The following NALF2 variants were observed in gnomAD, a reference collection of about 807,000 sequenced individuals.
NALF2 encodes the protein bB57D9.1 (TED protein).
In NALF2, 1 loss-of-function variant was observed where a neutral mutation model predicts 24.8. The ratio of observed to expected loss-of-function variants is 0.04; its 90% CI spans 0.01 to 0.19. The LOEUF (loss-of-function observed/expected upper bound fraction) is 0.19. Among genes scored for constraint, NALF2 ranks in the 10% least tolerant of loss-of-function variants. The pLI, the probability that NALF2 is intolerant of heterozygous loss-of-function variation, is 1.00. For synonymous variants in NALF2, 254 were observed against 189.8 expected (o/e 1.34, Z -2.78); for missense variants, 458 against 409.6 (o/e 1.12, Z -1.02).
intron 1 of NALF2, 68 bp downstream of exon 1, chrX:69,506,211 A>G: frequency 9.1e-7 from 1 of 1,101,840 alleles, no homozygotes; most frequent in Non-Finnish European, 1.2e-6. Context: ...TGGGACCGGG[A>G]GAAAAAAGGA....
chrX:69,507,400 C>G (rs1399132301), intron 1 of NALF2, among the ~76,000 whole-genome samples: 1 of 111,308 alleles, frequency 9.0e-6, no homozygotes, highest in Non-Finnish European at 1.9e-5. Flanking sequence ...TTCCTGCTCT[C>G]GTAACCTAGC....
intron 1 of NALF2, among the ~76,000 whole-genome samples, chrX:69,517,149 A>T (rs1930673797): frequency 9.0e-6 from 1 of 111,722 alleles, no homozygotes; most frequent in African/African-American, 3.3e-5. Flanking sequence ...TCAGTTCGAA[A>T]TCTGTCTTCT....
chrX:69,519,520 C>T (rs1930705867), intron 1 of NALF2, among the ~76,000 whole-genome samples: 1 of 112,237 alleles, frequency 8.9e-6, no homozygotes, highest in South Asian at 3.7e-4. Context: ...GCCTCCTCTT[C>T]TTCGTTTCCC....
intron 1 of NALF2, among the ~76,000 whole-genome samples, chrX:69,524,644 C>CT (rs140563275): frequency 0.34 from 37,136 of 109,373 alleles, 5,709 homozygotes; most frequent in East Asian, 0.64. Flanking sequence ...CAACCTCCCC[C>CT]GTCAACCCCT....
chrX:69,508,806 G>A (rs1458034384), intron 1 of NALF2, among the ~76,000 whole-genome samples: 1 of 111,904 alleles, frequency 8.9e-6, no homozygotes, highest in African/African-American at 3.3e-5. Context: ...TGGGATCCCT[G>A]CGAGATGACG....
Position 69,531,952 on chromosome X carries a change from C to A in NALF2, c.*1996C>A, listed in dbSNP as rs899128819. 2.7e-5 allele frequency: 3 copies of A among 112,072 alleles called. No individual in the cohort carries two copies. The highest frequency in any genetic ancestry group is 5.7e-5 in the Non-Finnish European group (3 of 53,094). The allele number at this position is 112,072 out of a possible 1,213,427, so 9.2% of individuals were successfully genotyped here. On this transcript the variant is annotated 3_prime_UTR_variant, in exon 3 of 3. Coordinates refer to ENST00000252338, the MANE Select transcript of NALF2 (RefSeq NM_015686.3). ...GACCCTAGGTACTGCCTTCTAACTC[C>A]TGCATCCTCAGAAGGGGAAAAGGGA...
In NALF2 at chrX:69,530,016, G is replaced by A. The variant is rs1204805126; in HGVS notation, c.*60G>A. On this transcript the variant is annotated 3_prime_UTR_variant, in exon 3 of 3. Coordinates refer to ENST00000252338, the MANE Select transcript of NALF2 (RefSeq NM_015686.3). ...ACATCAGCTCCAGCTCCCCCAGGTT[G>A]GGGGGGAGGGGGCTCCTCCCATGGG... The A allele has an allele frequency of 1.6e-5, 15 of 918,863 alleles. No homozygotes were observed. The highest frequency in any genetic ancestry group is 2.2e-5 in the Non-Finnish European group (15 of 673,944). The allele number at this position is 918,863 out of a possible 1,213,427, so 75.7% of individuals were successfully genotyped here. A position where few individuals can be genotyped will look rare whatever the true frequency, so the allele number is the denominator to read the frequency against.
At chrX:69,522,363 G>A (rs1193772630) in intron 1 of NALF2, among the ~76,000 whole-genome samples, 1 of 111,719 alleles carries the variant, frequency 9.0e-6, no homozygotes, top group East Asian at 2.8e-4. Context: ...TTCTCCACTG[G>A]ACCAACCCTG....
intron 1 of NALF2, among the ~76,000 whole-genome samples, chrX:69,511,824 G>A (rs1212237825): frequency 8.9e-6 from 1 of 112,086 alleles, no homozygotes; most frequent in Non-Finnish European, 1.9e-5. Context: ...GTAAGCATGC[G>A]AGGGTGCTTC....
At chrX:69,515,225 C>T (rs959828252) in intron 1 of NALF2, among the ~76,000 whole-genome samples, 3 of 112,022 alleles carry the variant, frequency 2.7e-5, no homozygotes, top group African/African-American at 9.7e-5. Context: ...ATTAGCTCCC[C>T]TCCCAATCCC....
chrX:69,513,379 A>G (rs1047438089), intron 1 of NALF2, among the ~76,000 whole-genome samples: 1 of 112,445 alleles, frequency 8.9e-6, no homozygotes, highest in Admixed American at 9.4e-5. Context: ...TTCCCATGCA[A>G]GGGTTTTGGT....
At chrX:69,516,279 C>A (rs1281623047) in intron 1 of NALF2, among the ~76,000 whole-genome samples, 1 of 111,670 alleles carries the variant, frequency 9.0e-6, no homozygotes, top group Non-Finnish European at 1.9e-5. Flanking sequence ...TAGGCATCAA[C>A]TTCTTGGATC....
rs1930457889 is a variant in NALF2 at position 69,505,634 on chromosome X, T to C, written c.352T>C (p.Tyr118His). The C allele has an allele frequency of 1.7e-6, 2 of 1,187,758 alleles. No individual in the cohort carries two copies. The highest frequency in any genetic ancestry group is 2.2e-6 in the Non-Finnish European group (2 of 889,354). ...SAPPGTCGPRYSNLTKAAPAA... is the reference protein window; with the variant it reads ...SAPPGTCGPRHSNLTKAAPAA... ...GCCCCCAGGCACCTGCGGCCCCAGA[T>C]ACAGCAACCTGACCAAAGCCGCCCC... The change falls in exon 1 of 3, where the codon TAC (tyrosine) becomes CAC (histidine). Residue 118 changes from tyrosine (Y) to histidine (H), a missense_variant. Tyr to His is a moderately conservative substitution (Grantham distance 83). Coordinates refer to ENST00000252338, the MANE Select transcript of NALF2 (RefSeq NM_015686.3).
intron 1 of NALF2, among the ~76,000 whole-genome samples, chrX:69,507,752 G>A (rs1025200829): frequency 9.0e-6 from 1 of 111,378 alleles, no homozygotes; most frequent in African/African-American, 3.3e-5. Context: ...TGGGAGCAGA[G>A]AGACAGGGTC....
chrX:69,506,349 A>G (rs926859220), intron 1 of NALF2, among the ~76,000 whole-genome samples: 2 of 112,626 alleles, frequency 1.8e-5, no homozygotes, highest in African/African-American at 6.4e-5. Context: ...GCTAACTTCT[A>G]TTAATTCCGG....
intron 1 of NALF2, among the ~76,000 whole-genome samples, chrX:69,511,930 T>C (rs1031663291): frequency 1.8e-5 from 2 of 112,072 alleles, no homozygotes; most frequent in African/African-American, 6.5e-5. Context: ...GGACATAGGC[T>C]GAACCTCAGA....
Position 69,532,065 on chromosome X carries a change from G to A in NALF2, c.*2109G>A, listed in dbSNP as rs1394398084. ...CTTCCCCCTCACCAAGTGCCCAGGAGACCCCTGGCTCAGACCAGCCCAAGG... is the reference window on the plus strand; with the variant it reads ...CTTCCCCCTCACCAAGTGCCCAGGAAACCCCTGGCTCAGACCAGCCCAAGG... On this transcript the variant is annotated 3_prime_UTR_variant, in exon 3 of 3. Coordinates refer to ENST00000252338, the MANE Select transcript of NALF2 (RefSeq NM_015686.3). The A allele has an allele frequency of 1.8e-5, 2 of 112,403 alleles. No individual in the cohort carries two copies. 9.3% of individuals were successfully genotyped at this position (112,403 alleles called of 1,213,427 possible).
rs1930421756 is a variant in NALF2 at position 69,504,698 on chromosome X, C to G, written c.-585C>G. Among the ~76,000 whole-genome samples the G allele has an allele frequency of 8.9e-6, 1 of 111,886 alleles. No homozygotes were observed. The highest frequency in any genetic ancestry group is 3.2e-5 in the African/African-American group (1 of 31,028). The stretch of plus-strand genomic sequence containing the variant: ...GAACGAAGCCCGAAGGGCCCGGCAA[C>G]GGACCGGCCGGCCGGCCTAGGAGGG... On this transcript the variant is annotated 5_prime_UTR_variant, in exon 1 of 3. Transcript: ENST00000252338.
intron 1 of NALF2, among the ~76,000 whole-genome samples, chrX:69,514,911 A>G (rs1391644232): frequency 8.9e-6 from 1 of 112,281 alleles, no homozygotes. Context: ...TTAAATATTC[A>G]TAAACATCAT....
Sources: gnomAD v4.1 joint callset for allele counts (sites outside exome capture counted in the v4.1 genomes callset) on GRCh38, gnomAD v4.1.1 for gene constraint, MANE v1.5 for transcripts, NCBI Gene and HGNC (gene_info 2026-07-23, HGNC 2026-07-21) for gene names.